The following MED27 variants were observed in gnomAD, a reference collection of about 807,000 sequenced individuals.
MED27 encodes the protein mediator of RNA polymerase II transcription subunit 27.
MED27 carries 30 observed loss-of-function variants against 38.2 expected under a neutral mutation model. The ratio of observed to expected loss-of-function variants is 0.79; its 90% confidence interval spans 0.59 to 1.07. MED27 has a LOEUF of 1.07. Among genes scored for constraint, MED27 ranks in the 50% least tolerant of loss-of-function variants. The pLI is 0.00. For synonymous variants in MED27, 122 were observed against 153.5 expected (o/e 0.79, Z 1.52); for missense variants, 289 against 397.5 (o/e 0.73, Z 2.32).
At chr9:131,961,804 C>T (rs977940830) in intron 3 of MED27, among the ~76,000 whole-genome samples, 13 of 152,212 alleles carry the variant, frequency 8.5e-5, no homozygotes, top group African/African-American at 3.1e-4. Flanking sequence ...TTCTTCTGCT[C>T]TCTCTCTCTC....
intron 5 of MED27, among the ~76,000 whole-genome samples, chr9:131,893,399 A>C (rs147253850): frequency 6.6e-6 from 1 of 152,290 alleles, no homozygotes; most frequent in African/African-American, 2.4e-5. Flanking sequence ...CGTGGAAATA[A>C]CACGTCTTCT....
At chr9:131,948,611 A>C (rs1379628107) in intron 3 of MED27, among the ~76,000 whole-genome samples, 1 of 152,178 alleles carries the variant, frequency 6.6e-6, no homozygotes, top group Non-Finnish European at 1.5e-5. Flanking sequence ...ATAAACACAC[A>C]CTAGCTTAAA....
At chr9:132,034,495 T>G (rs948824465) in intron 2 of MED27, among the ~76,000 whole-genome samples, 16 of 152,228 alleles carry the variant, frequency 1.1e-4, no homozygotes, top group African/African-American at 3.9e-4. Context: ...AAAGGGCAAC[T>G]TAAGAAATGT....
chr9:132,031,672 G>A (rs1444665372), intron 2 of MED27, among the ~76,000 whole-genome samples: 1 of 152,136 alleles, frequency 6.6e-6, no homozygotes, highest in African/African-American at 2.4e-5. Flanking sequence ...AGTTGCCTCT[G>A]AGGAGTGGCA....
chr9:132,058,707 G>A (rs1833634691), intron 2 of MED27, among the ~76,000 whole-genome samples: 1 of 152,154 alleles, frequency 6.6e-6, no homozygotes. Flanking sequence ...GTCACGTGAA[G>A]GTCACCGGAT....
chr9:131,882,202 G>A (rs1004434658), intron 6 of MED27, among the ~76,000 whole-genome samples: 1 of 152,134 alleles, frequency 6.6e-6, no homozygotes, highest in Non-Finnish European at 1.5e-5. Flanking sequence ...CTAGACGCCT[G>A]TCCTCTGCCT....
intron 3 of MED27, among the ~76,000 whole-genome samples, chr9:131,996,560 G>A (rs764647489): frequency 5.3e-5 from 8 of 152,322 alleles, no homozygotes; most frequent in Non-Finnish European, 1.0e-4. Flanking sequence ...TCAAATGTAC[G>A]TAGTAGAATT....
chr9:131,963,156 A>G (rs1429241687), intron 3 of MED27, among the ~76,000 whole-genome samples: 4 of 152,186 alleles, frequency 2.6e-5, no homozygotes, highest in Non-Finnish European at 4.4e-5. Flanking sequence ...GGTCCTACCC[A>G]ACTGTTTCAA....
At chr9:132,010,783 C>A (rs1832470379) in intron 3 of MED27, among the ~76,000 whole-genome samples, 1 of 151,752 alleles carries the variant, frequency 6.6e-6, no homozygotes, top group Non-Finnish European at 1.5e-5. Flanking sequence ...ATCAGAAGGA[C>A]AAAAAACCAA....
At chr9:131,954,281 G>A (rs542281569) in intron 3 of MED27, among the ~76,000 whole-genome samples, 230 of 152,316 alleles carry the variant, frequency 1.5e-3, no homozygotes, top group African/African-American at 4.2e-3. Context: ...GGGAATGTGT[G>A]ATGTGAGCAC....
chr9:131,886,958 C>T (rs1839151074), intron 5 of MED27, among the ~76,000 whole-genome samples: 1 of 152,162 alleles, frequency 6.6e-6, no homozygotes, highest in Non-Finnish European at 1.5e-5. Flanking sequence ...GGAAGAGGAA[C>T]ACCGATGTCT....
chr9:132,027,079 G>A (rs1832840498), intron 2 of MED27, among the ~76,000 whole-genome samples: 1 of 152,214 alleles, frequency 6.6e-6, no homozygotes, highest in Admixed American at 6.5e-5. Context: ...TACATTAGCT[G>A]GCAGGAGATA....
At chr9:131,925,184 C>T (rs1287086361) in intron 4 of MED27, among the ~76,000 whole-genome samples, 2 of 152,170 alleles carry the variant, frequency 1.3e-5, no homozygotes, top group Non-Finnish European at 2.9e-5. Flanking sequence ...CTGTAGCCCA[C>T]GGGTACTATG....
At chr9:131,911,530 T>G (rs1057483902) in intron 4 of MED27, among the ~76,000 whole-genome samples, 7 of 152,316 alleles carry the variant, frequency 4.6e-5, no homozygotes, top group Admixed American at 1.3e-4. Context: ...AGAATAATAA[T>G]GGCCAGGAAC....
At chr9:131,906,297 G>A (rs1830059948) in intron 4 of MED27, among the ~76,000 whole-genome samples, 1 of 152,198 alleles carries the variant, frequency 6.6e-6, no homozygotes, top group African/African-American at 2.4e-5. Context: ...GGTCCGTATG[G>A]GGCTGTGAAG....
intron 2 of MED27, among the ~76,000 whole-genome samples, chr9:132,043,614 T>C (rs752986602): frequency 3.9e-5 from 6 of 152,092 alleles, no homozygotes; most frequent in African/African-American, 1.2e-4. Context: ...AATGAAAATA[T>C]ATGCTTCAGA....
chr9:131,980,442 A>C (rs1189478024), intron 3 of MED27, among the ~76,000 whole-genome samples: 1 of 152,178 alleles, frequency 6.6e-6, no homozygotes, highest in East Asian at 1.9e-4. Flanking sequence ...CGAGAGCTGA[A>C]AACAGACTGG....
At chr9:131,948,592 C>A (rs1239568046) in intron 3 of MED27, among the ~76,000 whole-genome samples, 1 of 152,134 alleles carries the variant, frequency 6.6e-6, no homozygotes, top group African/African-American at 2.4e-5. Flanking sequence ...AGACGTACTG[C>A]AGACAGAAAT....
chr9:131,875,121 C>T (rs551087445), intron 6 of MED27, among the ~76,000 whole-genome samples: 2 of 152,228 alleles, frequency 1.3e-5, no homozygotes, highest in South Asian at 4.2e-4. Context: ...ATCTCGGGTG[C>T]CTTCTGGAGA....
Sources: gnomAD v4.1 joint callset for allele counts (sites outside exome capture counted in the v4.1 genomes callset) on GRCh38, gnomAD v4.1.1 for gene constraint, MANE v1.5 for transcripts, NCBI Gene and HGNC (gene_info 2026-07-23, HGNC 2026-07-21) for gene names.